The following MCCC2 variants were observed in gnomAD, a reference collection of about 807,000 sequenced individuals.
MCCC2 encodes the protein methylcrotonoyl-CoA carboxylase beta chain, mitochondrial.
In MCCC2, 52 loss-of-function variants were observed where a neutral mutation model predicts 77.2. The observed-to-expected ratio is 0.67, with a 90% CI of 0.54 to 0.85. The LOEUF (loss-of-function observed/expected upper bound fraction) is 0.85. Ranked by LOEUF, MCCC2 falls within the 40% of genes least tolerant of loss-of-function variation. MCCC2 has a pLI of 0.00. For synonymous variants in MCCC2, 253 were observed against 248.4 expected, an observed-to-expected ratio of 1.02 and a Z score of -0.18; for missense variants, 682 against 703.2, an observed-to-expected ratio of 0.97 and a Z score of 0.34.
At chr5:71,646,359 A>T in intron 13 of MCCC2, 82 bp downstream of exon 13, 1 of 1,234,008 alleles carries the variant, frequency 8.1e-7, no homozygotes, top group Non-Finnish European at 1.2e-6. Flanking sequence ...GACAGCACAC[A>T]TGTAGACCAC....
intron 6 of MCCC2, among the ~76,000 whole-genome samples, chr5:71,622,760 C>T (rs944128497): frequency 1.3e-5 from 2 of 152,212 alleles, no homozygotes; most frequent in African/African-American, 2.4e-5. Context: ...CTGCCTTAGC[C>T]TCCTGAGTAG....
intron 6 of MCCC2, among the ~76,000 whole-genome samples, chr5:71,610,402 G>A (rs955995976): frequency 1.7e-4 from 26 of 152,300 alleles, no homozygotes; most frequent in African/African-American, 5.0e-4. Flanking sequence ...TCCCAAGTGA[G>A]GCAATGCCTC....
chr5:71,617,675 T>A (rs1438265886), intron 6 of MCCC2, among the ~76,000 whole-genome samples: 1 of 152,192 alleles, frequency 6.6e-6, no homozygotes, highest in Non-Finnish European at 1.5e-5. Context: ...ACTTCTAACT[T>A]CAATTATGTT....
intron 6 of MCCC2, among the ~76,000 whole-genome samples, chr5:71,608,948 G>C (rs1322912246): frequency 6.6e-6 from 1 of 152,078 alleles, no homozygotes; most frequent in Non-Finnish European, 1.5e-5. Context: ...CTGTTAGTCT[G>C]ATGGGCTTCC....
intron 16 of MCCC2, among the ~76,000 whole-genome samples, chr5:71,655,463 C>G (rs373154372): frequency 1.3e-5 from 2 of 152,160 alleles, no homozygotes; most frequent in Non-Finnish European, 2.9e-5. Flanking sequence ...TGCCTCTTAC[C>G]TGGGGCAGTC....
Position 71,587,482 on chromosome 5 carries a change from G to C in MCCC2, c.57G>C (p.Gly19=). 6.5e-7 allele frequency: 1 copy of C among 1,536,980 alleles called. No individual in the cohort carries two copies. The highest frequency in any genetic ancestry group is 8.7e-7 in the Non-Finnish European group (1 of 1,146,292). The stretch of plus-strand genomic sequence containing the variant: ...CGTGTGCCCGCGCCTCTCCCGCCGG[G>C]CCGCGCGCCTATCACGGGGACTCGG... ...LRPCARASPA[G]PRAYHGDSVA... Residue 19 remains glycine (G), a synonymous_variant, in exon 1 of 17, where the codon GGG becomes GGC. Coordinates refer to ENST00000340941, the MANE Select transcript of MCCC2 (RefSeq NM_022132.5).
chr5:71,607,128 T>C (rs1330810116), intron 6 of MCCC2, among the ~76,000 whole-genome samples: 6 of 152,080 alleles, frequency 3.9e-5, no homozygotes, highest in Admixed American at 6.6e-5. Context: ...TTTCTACTGA[T>C]TGGAATAGTT....
intron 7 of MCCC2, among the ~76,000 whole-genome samples, chr5:71,627,825 CTT>C (rs530173993): frequency 7.0e-6 from 1 of 143,308 alleles, no homozygotes. Flanking sequence ...GATGTTGAGG[CTT>C]TTTTTTTTTA....
intron 6 of MCCC2, among the ~76,000 whole-genome samples, chr5:71,624,980 C>A (rs1266757907): frequency 6.6e-6 from 1 of 152,064 alleles, no homozygotes; most frequent in Non-Finnish European, 1.5e-5. Flanking sequence ...AGGCATGAGC[C>A]ACTGTGCCCA....
At chr5:71,643,989 G>T in intron 12 of MCCC2, 94 bp downstream of exon 12, 2 of 1,473,572 alleles carry the variant, frequency 1.4e-6, no homozygotes, top group East Asian at 5.2e-5. Flanking sequence ...GCATAAAAAT[G>T]CTTAACTAGA....
At chr5:71,622,816 T>C (rs540093425) in intron 6 of MCCC2, among the ~76,000 whole-genome samples, 1 of 152,134 alleles carries the variant, frequency 6.6e-6, no homozygotes, top group Non-Finnish European at 1.5e-5. Context: ...GTTTTAAAAA[T>C]GCATTTCAAG....
intron 6 of MCCC2, among the ~76,000 whole-genome samples, chr5:71,626,218 C>G (rs923796165): frequency 6.6e-6 from 1 of 152,088 alleles, no homozygotes; most frequent in African/African-American, 2.4e-5. Context: ...TTAATAACAT[C>G]CATTTGAAGA....
chr5:71,618,544 CCTTCCTTTCTTT>C (rs1346741120), intron 6 of MCCC2, among the ~76,000 whole-genome samples: 3 of 37,496 alleles, frequency 8.0e-5, no homozygotes, highest in Non-Finnish European at 1.7e-4. Flanking sequence ...TTCCTTCCTT[CCTTCCTTTCTTT>C]CTTTCTCTTT....
intron 7 of MCCC2, among the ~76,000 whole-genome samples, chr5:71,631,706 A>G (rs1040934357): frequency 6.6e-6 from 1 of 151,798 alleles, no homozygotes; most frequent in Non-Finnish European, 1.5e-5. Flanking sequence ...GCGCCCAGCT[A>G]ATTTTTTGTA....
At chr5:71,593,424 T>G (rs922655955) in intron 2 of MCCC2, among the ~76,000 whole-genome samples, 2 of 152,162 alleles carry the variant, frequency 1.3e-5, no homozygotes, top group Non-Finnish European at 2.9e-5. Flanking sequence ...CATTTGTTGG[T>G]ATGCAGGCAT....
chr5:71,621,374 A>G (rs765157014), intron 6 of MCCC2, among the ~76,000 whole-genome samples: 2 of 152,224 alleles, frequency 1.3e-5, no homozygotes, highest in Non-Finnish European at 2.9e-5. Context: ...ACACAGTGGC[A>G]GAACTCTTGT....
intron 7 of MCCC2, among the ~76,000 whole-genome samples, chr5:71,627,234 T>G (rs1746563565): frequency 6.6e-6 from 1 of 152,238 alleles, no homozygotes; most frequent in South Asian, 2.1e-4. Context: ...TGTTTATTCA[T>G]TCATCCATCA....
At chr5:71,633,531 G>GA (rs1746815339) in intron 8 of MCCC2, among the ~76,000 whole-genome samples, 1 of 147,164 alleles carries the variant, frequency 6.8e-6, no homozygotes, top group Non-Finnish European at 1.5e-5. Context: ...AAATTGTGAG[G>GA]AAATGATTGG....
chr5:71,618,488 TCTTCCTTCCTTC>T (rs60010762), intron 6 of MCCC2, among the ~76,000 whole-genome samples: 13,582 of 96,872 alleles, frequency 0.14, 796 homozygotes, highest in South Asian at 0.21. Flanking sequence ...CTTCTTTCCT[TCTTCCTTCCTTC>T]CTTCCTTCCT....
Sources: gnomAD v4.1 joint callset for allele counts (sites outside exome capture counted in the v4.1 genomes callset) on GRCh38, gnomAD v4.1.1 for gene constraint, MANE v1.5 for transcripts, NCBI Gene and HGNC (gene_info 2026-07-23, HGNC 2026-07-21) for gene names.